CDH18: variants seen among roughly 807,000 people sequenced by gnomAD.
CDH18 encodes the protein cadherin 18.
In CDH18, 31 loss-of-function variants were observed where a neutral mutation model predicts 67.9. The observed-to-expected ratio is 0.46, with a 90% CI of 0.34 to 0.62. The LOEUF is 0.62. Ranked by LOEUF, CDH18 falls within the 20% of genes least tolerant of loss-of-function variation. CDH18 has a pLI of 0.01. For missense variants in CDH18, 890 were observed against 975.5 expected (o/e 0.91, Z 1.17); for synonymous variants, 362 against 347.2 (o/e 1.04, Z -0.48).
At chr5:19,702,338 G>A (rs914464658) in intron 5 of CDH18, among the ~76,000 whole-genome samples, 1 of 151,624 alleles carries the variant, frequency 6.6e-6, no homozygotes, top group African/African-American at 2.4e-5. Flanking sequence ...TAGTAGAGAG[G>A]TGGTTTCACC....
At chr5:19,908,578 C>A (rs1790776346) in intron 2 of CDH18, among the ~76,000 whole-genome samples, 1 of 152,042 alleles carries the variant, frequency 6.6e-6, no homozygotes, top group Admixed American at 6.6e-5. Flanking sequence ...AGATATTGAA[C>A]TGTTAGAAAA....
intron 2 of CDH18, among the ~76,000 whole-genome samples, chr5:19,909,570 A>G (rs1790907225): frequency 6.6e-6 from 1 of 152,082 alleles, no homozygotes; most frequent in Non-Finnish European, 1.5e-5. Context: ...AAGTGGCATG[A>G]GCCACCACGC....
intron 1 of CDH18, among the ~76,000 whole-genome samples, chr5:20,562,613 A>G (rs902668943): frequency 2.0e-5 from 3 of 151,850 alleles, no homozygotes; most frequent in East Asian, 3.9e-4. Context: ...TAAAAATGCT[A>G]TAATTACTGT....
chr5:19,591,124 T>C lies in CDH18; in HGVS notation c.932A>G (p.Asp311Gly). 1.2e-6 allele frequency: 2 copies of C among 1,611,914 alleles called. No individual in the cohort carries two copies. The highest frequency in any genetic ancestry group is 8.5e-7 in the Non-Finnish European group (1 of 1,178,512). The change falls in exon 7 of 13, where the codon GAT (aspartate) becomes GGT (glycine). Residue 311 changes from aspartate (D) to glycine (G), a missense_variant. Physicochemically the swap from Asp to Gly is moderately conservative, Grantham distance 94. Around this residue, in one of 2 missense-constraint regions of CDH18, gnomAD observed 656 missense variants for 668.1 expected, o/e 0.98. Transcript: ENST00000382275. ...GGAGATTGAGAATATTCCCATGCCATCACCATTTATGATGGAGTAGGTCAT... is the reference window on the plus strand; with the variant it reads ...GGAGATTGAGAATATTCCCATGCCACCACCATTTATGATGGAGTAGGTCAT... ...ADMTYSIING[D>G]GMGIFSISTD...
intron 4 of CDH18, among the ~76,000 whole-genome samples, chr5:19,727,651 A>G (rs898674905): frequency 1.3e-5 from 2 of 152,190 alleles, no homozygotes; most frequent in African/African-American, 4.8e-5. Context: ...TTTCAGTGGG[A>G]AAAATGGACA....
At chr5:19,535,747 T>C (rs931086317) in intron 9 of CDH18, among the ~76,000 whole-genome samples, 1 of 152,182 alleles carries the variant, frequency 6.6e-6, no homozygotes, top group Non-Finnish European at 1.5e-5. Context: ...GCTGAAGCAA[T>C]GTATACAATA....
intron 2 of CDH18, among the ~76,000 whole-genome samples, chr5:19,888,787 A>C (rs1788486687): frequency 6.6e-6 from 1 of 152,162 alleles, no homozygotes; most frequent in Non-Finnish European, 1.5e-5. Flanking sequence ...TACAATTTTA[A>C]ATAGAAGTCC....
At chr5:19,671,095 G>T (rs1208193976) in intron 5 of CDH18, among the ~76,000 whole-genome samples, 1 of 152,002 alleles carries the variant, frequency 6.6e-6, no homozygotes, top group African/African-American at 2.4e-5. Context: ...TTTATTAGAG[G>T]TTTATAGGTA....
chr5:19,898,775 A>G (rs1482636627), intron 2 of CDH18, among the ~76,000 whole-genome samples: 3 of 152,172 alleles, frequency 2.0e-5, no homozygotes, highest in Non-Finnish European at 2.9e-5. Flanking sequence ...CACCAAAAAT[A>G]TAAGCAAAAA....
At chr5:20,334,712 CAT>C (rs1435881437) in intron 1 of CDH18, among the ~76,000 whole-genome samples, 1 of 151,342 alleles carries the variant, frequency 6.6e-6, no homozygotes, top group African/African-American at 2.4e-5. Context: ...CTTCCCAACA[CAT>C]ATATGAGTGC....
intron 3 of CDH18, among the ~76,000 whole-genome samples, chr5:19,751,703 G>A (rs1276684590): frequency 6.6e-6 from 1 of 152,078 alleles, no homozygotes; most frequent in Non-Finnish European, 1.5e-5. Flanking sequence ...TAATATATTA[G>A]TCTCTGTGAA....
intron 5 of CDH18, among the ~76,000 whole-genome samples, chr5:19,653,454 A>T (rs1389992597): frequency 2.0e-5 from 3 of 151,964 alleles, no homozygotes; most frequent in Non-Finnish European, 4.4e-5. Flanking sequence ...ATCCTTGCTG[A>T]ATCTTTCTCA....
chr5:20,233,710 T>C (rs1742258961), intron 2 of CDH18, among the ~76,000 whole-genome samples: 1 of 152,106 alleles, frequency 6.6e-6, no homozygotes, highest in Non-Finnish European at 1.5e-5. Flanking sequence ...AAACCTGGTA[T>C]TCCATAGTAT....
At chr5:19,978,867 A>G (rs900886841) in intron 2 of CDH18, among the ~76,000 whole-genome samples, 2 of 152,118 alleles carry the variant, frequency 1.3e-5, no homozygotes, top group African/African-American at 4.8e-5. Context: ...AGGCTCTCTA[A>G]TAGACAACCT....
intron 3 of CDH18, among the ~76,000 whole-genome samples, chr5:19,763,317 A>G (rs1772622147): frequency 6.6e-6 from 1 of 152,214 alleles, no homozygotes; most frequent in Admixed American, 6.5e-5. Flanking sequence ...GGTATTTGTG[A>G]AAGAAATAAG....
intron 1 of CDH18, among the ~76,000 whole-genome samples, chr5:20,472,193 C>T (rs1038821050): frequency 6.6e-6 from 1 of 152,106 alleles, no homozygotes; most frequent in South Asian, 2.1e-4. Flanking sequence ...AGAAGTGTCT[C>T]ATGTTAAATT....
At chr5:19,679,663 C>T (rs1391131108) in intron 5 of CDH18, among the ~76,000 whole-genome samples, 2 of 151,748 alleles carry the variant, frequency 1.3e-5, no homozygotes, top group Non-Finnish European at 2.9e-5. Context: ...AAGCTGAGAG[C>T]CAAATGAATA....
chr5:19,546,541 T>A (rs188161226), intron 8 of CDH18, among the ~76,000 whole-genome samples: 6 of 152,094 alleles, frequency 3.9e-5, no homozygotes, highest in African/African-American at 1.2e-4. Flanking sequence ...GAGGAAAAGA[T>A]GAAAAGCTGG....
intron 8 of CDH18, among the ~76,000 whole-genome samples, chr5:19,566,399 T>C (rs1740405648): frequency 6.6e-6 from 1 of 152,176 alleles, no homozygotes; most frequent in Non-Finnish European, 1.5e-5. Flanking sequence ...AATGTATTAG[T>C]CCGTTTTTAT....
Sources: gnomAD v4.1 joint callset for allele counts (sites outside exome capture counted in the v4.1 genomes callset) on GRCh38, gnomAD v4.1.1 for gene constraint, gnomAD v4.1.1 regional missense constraint, MANE v1.5 for transcripts, NCBI Gene and HGNC (gene_info 2026-07-23, HGNC 2026-07-21) for gene names.